MEI4: variants seen among roughly 807,000 people sequenced by gnomAD.
MEI4 encodes meiosis-specific protein MEI4.
Under a neutral mutation model 31.4 loss-of-function variants are expected in MEI4, and 27 were observed. The ratio of observed to expected loss-of-function variants is 0.86; its 90% CI spans 0.63 to 1.19. The LOEUF (loss-of-function observed/expected upper bound fraction) is 1.19, where lower values mean the gene tolerates loss of function less well. MEI4 is among the 50% of genes most tolerant of loss of function. The probability of loss-of-function intolerance (pLI) is 0.00; values close to 1 mark genes in which losing one functional copy is unlikely to be tolerated. For missense variants in MEI4, 329 were observed against 398.9 expected, an observed-to-expected ratio of 0.82 and a Z score of 1.49; for synonymous variants, 122 against 145.4, an observed-to-expected ratio of 0.84 and a Z score of 1.16.
chr6:77,824,887 A>C (rs1003504897), intron 3 of MEI4, among the ~76,000 whole-genome samples: 1 of 152,184 alleles, frequency 6.6e-6, no homozygotes, highest in South Asian at 2.1e-4. Flanking sequence ...GGCTATACAA[A>C]TAGGTATCAT....
intron 1 of MEI4, among the ~76,000 whole-genome samples, chr6:77,672,140 C>T (rs887442049): frequency 7.2e-5 from 11 of 152,006 alleles, no homozygotes; most frequent in Admixed American, 6.5e-4. Context: ...AGAATTTTCT[C>T]ACAGCAAAAA....
intron 1 of MEI4, among the ~76,000 whole-genome samples, chr6:77,690,174 T>C (rs1769132558): frequency 6.6e-6 from 1 of 151,972 alleles, no homozygotes; most frequent in Admixed American, 6.6e-5. Flanking sequence ...CATTAAGGAA[T>C]GCAAGATTTA....
intron 4 of MEI4, among the ~76,000 whole-genome samples, chr6:77,840,106 TTG>T (rs139331436): frequency 0.011 from 1,677 of 152,324 alleles, 25 homozygotes; most frequent in African/African-American, 0.038. Flanking sequence ...TGTGTGTTTT[TTG>T]TGTGTTTGTA....
rs1455818617 is a variant in MEI4, at chr6:77,699,238, G to T, written c.232+8335G>T. On this transcript the variant is annotated intron_variant, in intron 2 of 4. Transcript: ENST00000684080. ...GGAGTCTCGCTCTGTCACCCAGGCT[G>T]GAGTGCAGTGGCGGGATCTCGGCTC... 2.0e-4 allele frequency among the ~76,000 whole-genome samples: 27 copies of T among 137,276 alleles called. 1 individual carries two copies. The Admixed American group carries it at 2.1e-3, about 11-fold the overall frequency. 90.1% of individuals were successfully genotyped at this position (137,276 alleles called of 152,430 possible).
chr6:77,915,137 C>T (rs940384585), intron 4 of MEI4, among the ~76,000 whole-genome samples: 6 of 151,880 alleles, frequency 4.0e-5, no homozygotes, highest in African/African-American at 1.4e-4. Flanking sequence ...CCTTCCTTTC[C>T]TTTTATCTAT....
upstream of MEI4, among the ~76,000 whole-genome samples, chr6:77,650,791 CA>C (rs1768286216): frequency 6.6e-6 from 1 of 152,244 alleles, no homozygotes; most frequent in Non-Finnish European, 1.5e-5. Context: ...GCTGCTGAAG[CA>C]TCGGCCCACA....
intron 3 of MEI4, among the ~76,000 whole-genome samples, chr6:77,771,557 A>G (rs1768319537): frequency 6.6e-6 from 1 of 152,156 alleles, no homozygotes; most frequent in Non-Finnish European, 1.5e-5. Context: ...TTAACAGTAA[A>G]CTGGATAAGG....
At chr6:77,749,238 C>T (rs142939106) in intron 2 of MEI4, among the ~76,000 whole-genome samples, 19 of 152,256 alleles carry the variant, frequency 1.2e-4, no homozygotes, top group Admixed American at 2.6e-4. Flanking sequence ...AACTCCTCAA[C>T]AGCAAGAGAA....
At chr6:77,693,937 A>G (rs1769207374) in intron 2 of MEI4, among the ~76,000 whole-genome samples, 1 of 152,158 alleles carries the variant, frequency 6.6e-6, no homozygotes, top group African/African-American at 2.4e-5. Flanking sequence ...TAAATGTTGA[A>G]TTGAATGATT....
chr6:77,883,013 A>G (rs1202191070), intron 4 of MEI4, among the ~76,000 whole-genome samples: 1 of 152,128 alleles, frequency 6.6e-6, no homozygotes, highest in Non-Finnish European at 1.5e-5. Context: ...TTTTTTTTCC[A>G]GAAAATAATT....
intron 3 of MEI4, among the ~76,000 whole-genome samples, chr6:77,787,015 C>T (rs1768753665): frequency 6.6e-6 from 1 of 152,132 alleles, no homozygotes; most frequent in Non-Finnish European, 1.5e-5. Flanking sequence ...GGACGCACAG[C>T]AGATTCTGAA....
chr6:77,818,445 A>G (rs2127707435), intron 3 of MEI4, among the ~76,000 whole-genome samples: 1 of 152,280 alleles, frequency 6.6e-6, no homozygotes. Flanking sequence ...CATCAACACC[A>G]GTAGAAGTCT....
intron 3 of MEI4, among the ~76,000 whole-genome samples, chr6:77,823,784 T>C (rs888150842): frequency 6.6e-6 from 1 of 152,158 alleles, no homozygotes; most frequent in East Asian, 1.9e-4. Flanking sequence ...CTTCAGAAAG[T>C]AGGAAACACA....
intron 2 of MEI4, among the ~76,000 whole-genome samples, chr6:77,698,399 C>T (rs1304382451): frequency 6.6e-6 from 1 of 152,196 alleles, no homozygotes; most frequent in Admixed American, 6.5e-5. Context: ...TTTGCAGTGG[C>T]TGGTACCGGT....
chr6:77,757,675 C>G (rs1384285703), intron 2 of MEI4, among the ~76,000 whole-genome samples: 1 of 152,200 alleles, frequency 6.6e-6, no homozygotes, highest in African/African-American at 2.4e-5. Flanking sequence ...TGAAGTTAAG[C>G]TTACCTTTAA....
upstream of MEI4, among the ~76,000 whole-genome samples, chr6:77,650,637 T>A (rs986079869): frequency 6.6e-6 from 1 of 152,230 alleles, no homozygotes; most frequent in Admixed American, 6.5e-5. Context: ...GAGGCCTGGC[T>A]TTCTGTGCCT....
At chr6:77,848,450 C>G (rs1295880151) in intron 4 of MEI4, among the ~76,000 whole-genome samples, 1 of 152,000 alleles carries the variant, frequency 6.6e-6, no homozygotes, top group Non-Finnish European at 1.5e-5. Context: ...TGATCAGTGC[C>G]CACAAGAGTG....
At chr6:77,764,048 G>A (rs1260444299) in intron 3 of MEI4, among the ~76,000 whole-genome samples, 4 of 152,006 alleles carry the variant, frequency 2.6e-5, no homozygotes, top group East Asian at 3.9e-4. Flanking sequence ...TCTTGACCTC[G>A]TGATCTGCCC....
At chr6:77,863,818 G>A (rs906773796) in intron 4 of MEI4, among the ~76,000 whole-genome samples, 2 of 152,110 alleles carry the variant, frequency 1.3e-5, no homozygotes, top group Non-Finnish European at 2.9e-5. Flanking sequence ...AAATGTTAAG[G>A]GCAGCCAGAG....
Sources: allele counts gnomAD v4.1 joint callset (sites outside exome capture counted in the v4.1 genomes callset), GRCh38; gene constraint gnomAD v4.1.1; transcripts MANE v1.5; gene names NCBI Gene and HGNC (gene_info 2026-07-23, HGNC 2026-07-21).